Variants in GRM4 observed in about 807,000 individuals in gnomAD.
GRM4 encodes the protein metabotropic glutamate receptor 4.
Under a neutral mutation model 81.7 loss-of-function variants are expected in GRM4, and 28 were observed. That is an observed-to-expected ratio of 0.34 (90% CI 0.25 to 0.47). The LOEUF (loss-of-function observed/expected upper bound fraction) is 0.47. Ranked by LOEUF, GRM4 falls within the 20% of genes least tolerant of loss-of-function variation. The probability of loss-of-function intolerance (pLI) is 1.00; values close to 1 mark genes in which losing one functional copy is unlikely to be tolerated. For synonymous variants in GRM4, 488 were observed against 528.8 expected (o/e 0.92, Z 1.06); for missense variants, 948 against 1,290.0 (o/e 0.73, Z 4.06).
intron 2 of GRM4, among the ~76,000 whole-genome samples, chr6:34,127,518 C>T (rs193030556): frequency 7.7e-4 from 118 of 152,302 alleles, no homozygotes; most frequent in Admixed American, 4.1e-3. Context: ...CTAAGAGCAA[C>T]GGGAAGCCAA....
At chr6:34,029,242 C>T (rs550834941) in intron 9 of GRM4, among the ~76,000 whole-genome samples, 1 of 152,312 alleles carries the variant, frequency 6.6e-6, no homozygotes, top group East Asian at 1.9e-4. Context: ...GCAGGAAATG[C>T]TCTTTCCCAA....
chr6:34,143,534 C>T (rs530660860), intron 1 of GRM4, among the ~76,000 whole-genome samples: 9 of 152,352 alleles, frequency 5.9e-5, no homozygotes, highest in South Asian at 2.1e-4. Flanking sequence ...TCCGAAAGGG[C>T]TCCTGCTAGT....
In GRM4 at chr6:34,044,335, GACAT is replaced by G. The variant is rs1205424011; in HGVS notation, c.1169-3591_1169-3588del. Reference sequence around the variant, plus strand: ...ATATACACAGACACACATACACACAGACATACATACATACACATATATACACAGA... The same window carrying G: ...ATATACACAGACACACATACACACAGACATACATACACATATATACACAGA... On this transcript the variant is annotated intron_variant, in intron 6 of 10. Transcript: ENST00000538487. 8.7e-3 allele frequency among the ~76,000 whole-genome samples: 823 copies of G among 94,686 alleles called. 7 individuals carry two copies. The highest frequency in any genetic ancestry group is 0.011 in the Non-Finnish European group (489 of 45,016). 62.1% of individuals were successfully genotyped at this position (94,686 alleles called of 152,430 possible).
chr6:34,127,094 A>C (rs1367781985), intron 2 of GRM4, among the ~76,000 whole-genome samples: 1 of 152,188 alleles, frequency 6.6e-6, no homozygotes, highest in African/African-American at 2.4e-5. Flanking sequence ...ACTGTACAAA[A>C]CCAGGCCAGA....
intron 6 of GRM4, among the ~76,000 whole-genome samples, chr6:34,041,851 C>T (rs1765033819): frequency 6.6e-6 from 1 of 152,210 alleles, no homozygotes. Context: ...AAGTAAGTAA[C>T]TTCCACCAGT....
intron 2 of GRM4, among the ~76,000 whole-genome samples, chr6:34,128,408 C>G (rs1225420485): frequency 8.0e-6 from 1 of 125,730 alleles, no homozygotes; most frequent in Non-Finnish European, 1.6e-5. Context: ...GACTGAGTTT[C>G]GCTCTTGTCG....
In GRM4 at chr6:34,133,202, T is replaced by A; in HGVS notation, c.295A>T (p.Ile99Phe). Residue 99 changes from isoleucine to phenylalanine, a missense_variant, in exon 2 of 11, where the codon ATC becomes TTC. By Grantham distance (21) the Ile-to-Phe change is conservative (BLOSUM62 0). Coordinates refer to ENST00000538487, the MANE Select transcript of GRM4 (RefSeq NM_000841.4). The surrounding 1 kb of genome is among the most constrained non-coding windows in gnomAD (Gnocchi z 6.5). ...INNDPDLLPN[I>F]TLGARILDTC... ...TCCAGAATGCGGGCGCCCAGCGTGA[T>A]GTTAGGCAGCAGGTCCGGGTCGTTG... is the stretch of plus-strand genomic sequence containing the variant. The A allele has an allele frequency of 6.2e-7, 1 of 1,613,976 alleles. No homozygotes were observed. Among genetic ancestry groups the A allele is most frequent in the Non-Finnish European group, 8.5e-7 (1 of 1,179,850 alleles).
At chr6:34,088,464 A>G (rs1367647254) in intron 3 of GRM4, among the ~76,000 whole-genome samples, 1 of 152,158 alleles carries the variant, frequency 6.6e-6, no homozygotes, top group Admixed American at 6.5e-5. Context: ...CATTTCACAG[A>G]TAAGAAACTG....
rs148492182 is a variant in GRM4, at chr6:34,026,866, C to T, written c.2689+1254G>A. Among the ~76,000 whole-genome samples the T allele has an allele frequency of 2.6e-4, 39 of 152,358 alleles. No homozygotes were observed. In the East Asian group the frequency reaches 6.6e-3, roughly 26 times the overall value. ...AAAAGCATATCTGACAGACCTGCTCCTGCACGCAGCAGAGAGGTGGTCTGG... is the reference window on the plus strand; with the variant it reads ...AAAAGCATATCTGACAGACCTGCTCTTGCACGCAGCAGAGAGGTGGTCTGG... On this transcript the variant is annotated intron_variant, in intron 10 of 10. Transcript: ENST00000538487.
At chr6:34,087,217 GA>G (rs892292878) in intron 3 of GRM4, among the ~76,000 whole-genome samples, 1 of 151,682 alleles carries the variant, frequency 6.6e-6, no homozygotes, top group African/African-American at 2.4e-5. Flanking sequence ...TCAGGGATTC[GA>G]GACCAACCGG....
chr6:34,143,631 C>T (rs898305041), intron 1 of GRM4, among the ~76,000 whole-genome samples: 2 of 152,222 alleles, frequency 1.3e-5, no homozygotes, highest in Non-Finnish European at 2.9e-5. Context: ...GCATGCAGAA[C>T]CAGAGCCTGA....
chr6:34,042,402 T>A lies in GRM4; in HGVS notation c.1169-1654A>T, dbSNP rs888828221. 6.6e-6 allele frequency among the ~76,000 whole-genome samples: 1 copy of A among 152,062 alleles called. No individual in the cohort carries two copies. The highest frequency in any genetic ancestry group is 1.5e-5 in the Non-Finnish European group (1 of 68,010). On this transcript the variant is annotated intron_variant, in intron 6 of 10. Coordinates refer to ENST00000538487, the MANE Select transcript of GRM4 (RefSeq NM_000841.4). The surrounding 1 kb of genome is among the most constrained non-coding windows in gnomAD (Gnocchi z 4.2). ...ACACAGGGATGCAGGTGGGCAGGAA[T>A]GTGGGGAGGGGACCAGGGATCTGAA...
chr6:34,075,994 C>T (rs1444709488), intron 3 of GRM4, among the ~76,000 whole-genome samples: 2 of 152,306 alleles, frequency 1.3e-5, no homozygotes, highest in East Asian at 3.9e-4. Context: ...TGTGTTGGGG[C>T]AGAGAGAGGC....
chr6:34,154,857 C>G (rs1450628294), intron 1 of GRM4, among the ~76,000 whole-genome samples: 1 of 152,228 alleles, frequency 6.6e-6, no homozygotes, highest in Non-Finnish European at 1.5e-5. Context: ...TGAGGAGCCT[C>G]GATTCCCGCG....
chr6:34,062,211 C>G (rs145326129), intron 3 of GRM4, 183 bp from the exon 4 acceptor site: 2 of 536,458 alleles, frequency 3.7e-6, no homozygotes, highest in East Asian at 6.0e-5. Flanking sequence ...CAGTGCCAGT[C>G]TTGGCTCCAC....
At chr6:34,102,924 C>A (rs1348254796) in intron 2 of GRM4, among the ~76,000 whole-genome samples, 1 of 152,238 alleles carries the variant, frequency 6.6e-6, no homozygotes, top group Admixed American at 6.5e-5. Flanking sequence ...TGACGCTGCG[C>A]CTGGGCAAGC....
In GRM4 at chr6:34,022,869, C is replaced by T. The variant is rs752075939; in HGVS notation, c.2691G>A (p.Ala897=). 1.4e-5 allele frequency: 23 copies of T among 1,613,426 alleles called. No homozygotes were observed. Among genetic ancestry groups the T allele is most frequent in the Admixed American group, 1.0e-4 (6 of 60,000 alleles). ...SELCENLEAP[A]LATKQTYVTY... ...TGACGTAAGTCTGTTTGGTGGCCAGCGCTGGAAGGAGAGAGACCAGGGGTA... is the reference window on the plus strand; with the variant it reads ...TGACGTAAGTCTGTTTGGTGGCCAGTGCTGGAAGGAGAGAGACCAGGGGTA... The change falls in exon 11 of 11, where the codon GCG becomes GCA. Residue 897 remains alanine, a splice_region_variant and synonymous_variant. Coordinates refer to ENST00000538487, the MANE Select transcript of GRM4 (RefSeq NM_000841.4). The surrounding 1 kb of genome is among the most constrained non-coding windows in gnomAD (Gnocchi z 5.6).
chr6:34,066,260 T>G (rs1434526994), intron 3 of GRM4, among the ~76,000 whole-genome samples: 2 of 152,134 alleles, frequency 1.3e-5, no homozygotes, highest in Non-Finnish European at 2.9e-5. Context: ...AACACAGCAC[T>G]GTCTGAAACT....
In GRM4 at chr6:34,056,676, G is replaced by A. The variant is rs755144742; in HGVS notation, c.1036C>T (p.Arg346Cys). The change falls in exon 6 of 11, where the codon CGC becomes TGC. Residue 346 changes from arginine to cysteine, a missense_variant. Transcript: ENST00000538487. ...TCCAGCGTGCGGCTGGAGAAGTAGCGGTCGAAGCCTGGCAGGGAACCAGGA... is the reference window on the plus strand; with the variant it reads ...TCCAGCGTGCGGCTGGAGAAGTAGCAGTCGAAGCCTGGCAGGGAACCAGGA... ...PKRMSVRGFD[R>C]YFSSRTLDNN... 2.5e-6 allele frequency: 4 copies of A among 1,613,088 alleles called. No homozygotes were observed. The highest frequency in any genetic ancestry group is 3.4e-6 in the Non-Finnish European group (4 of 1,179,576).
Sources: gnomAD v4.1 joint callset for allele counts (sites outside exome capture counted in the v4.1 genomes callset) on GRCh38, gnomAD v4.1.1 for gene constraint, Gnocchi (gnomAD v3.1) non-coding constraint, MANE v1.5 for transcripts, NCBI Gene and HGNC (gene_info 2026-07-23, HGNC 2026-07-21) for gene names.